ZFAND6: variants seen among roughly 807,000 people sequenced by gnomAD.
ZFAND6 encodes AN1-type zinc finger protein 6.
A neutral mutation model predicts 24.5 loss-of-function variants in ZFAND6; 12 were observed. That is an observed-to-expected ratio of 0.49 (90% CI 0.31 to 0.79). ZFAND6 has a LOEUF of 0.79. Among genes scored for constraint, ZFAND6 ranks in the 30% least tolerant of loss-of-function variants. The pLI, the probability that ZFAND6 is intolerant of heterozygous loss-of-function variation, is 0.04. For synonymous variants in ZFAND6, 92 were observed against 81.5 expected (o/e 1.13, Z -0.69); for missense variants, 207 against 245.9 (o/e 0.84, Z 1.06).
At chr15:80,068,496 G>A (rs551521869) in intron 1 of ZFAND6, among the ~76,000 whole-genome samples, 42 of 151,272 alleles carry the variant, frequency 2.8e-4, no homozygotes, top group Non-Finnish European at 4.1e-4. Context: ...CTCAGCCTCC[G>A]GAGTAGCTGG....
chr15:80,111,901 A>G (rs1333868878), intron 2 of ZFAND6, among the ~76,000 whole-genome samples: 1 of 152,182 alleles, frequency 6.6e-6, no homozygotes, highest in Non-Finnish European at 1.5e-5. Context: ...ATGGGTTTTA[A>G]TTTGGGGAAC....
At chr15:80,062,273 C>T (rs2036376573) in intron 1 of ZFAND6, among the ~76,000 whole-genome samples, 1 of 152,204 alleles carries the variant, frequency 6.6e-6, no homozygotes. Context: ...TGTCAAATGT[C>T]ACACCCTTTA....
intron 1 of ZFAND6, chr15:80,072,663 T>TA (rs2037046467): frequency 6.6e-6 from 1 of 152,188 alleles, no homozygotes; most frequent in Non-Finnish European, 1.5e-5. Context: ...ATTTTTGTTC[T>TA]AATCTTTTTA....
chr15:80,098,533 C>T lies in ZFAND6; in HGVS notation c.-63C>T, dbSNP rs2038861066. ...AATAGGGAAGGCAGAAAGCTAATGT[C>T]TGTCTCAAGATACAGGACAGCTGTT... On this transcript the variant is annotated 5_prime_UTR_variant, in exon 2 of 7. Coordinates refer to ENST00000261749, the MANE Select transcript of ZFAND6 (RefSeq NM_019006.4). 6.6e-6 allele frequency: 1 copy of T among 152,218 alleles called. No homozygotes were observed. The highest frequency in any genetic ancestry group is 2.1e-4 in the South Asian group (1 of 4,832). The allele number at this position is 152,218 out of a possible 1,614,324, so 9.4% of individuals were successfully genotyped here.
intron 2 of ZFAND6, among the ~76,000 whole-genome samples, chr15:80,113,777 A>G (rs2039728096): frequency 7.9e-6 from 1 of 127,218 alleles, no homozygotes; most frequent in Admixed American, 7.9e-5. Context: ...TTAGCTGGGA[A>G]CAGAGTTGTA....
intron 2 of ZFAND6, among the ~76,000 whole-genome samples, chr15:80,119,901 C>T (rs1421835770): frequency 6.6e-6 from 1 of 152,180 alleles, no homozygotes; most frequent in African/African-American, 2.4e-5. Context: ...ATAAATAACA[C>T]ACATTAGCAC....
At chr15:80,111,340 G>T in intron 2 of ZFAND6, 1 of 362,640 alleles carries the variant, frequency 2.8e-6, no homozygotes, top group Non-Finnish European at 5.5e-6. Context: ...TCCCACCCCT[G>T]CAGACACCAG....
At chr15:80,073,152 G>T in intron 1 of ZFAND6, 1 of 170,730 alleles carries the variant, frequency 5.9e-6, no homozygotes, top group East Asian at 1.7e-4. Context: ...ACAATATGTT[G>T]ACATTTTTAA....
intron 1 of ZFAND6, among the ~76,000 whole-genome samples, chr15:80,094,070 G>A (rs1226894486): frequency 2.0e-5 from 3 of 152,130 alleles, no homozygotes; most frequent in Non-Finnish European, 2.9e-5. Context: ...GTTTGTGTGT[G>A]GAAACAAGAT....
chr15:80,108,331 G>A (rs950580673), intron 2 of ZFAND6, among the ~76,000 whole-genome samples: 1 of 152,066 alleles, frequency 6.6e-6, no homozygotes, highest in Non-Finnish European at 1.5e-5. Flanking sequence ...AGGGGTTGGG[G>A]GGAAGTACAA....
At chr15:80,080,265 A>G (rs1596212910) in intron 1 of ZFAND6, among the ~76,000 whole-genome samples, 1 of 151,636 alleles carries the variant, frequency 6.6e-6, no homozygotes, top group African/African-American at 2.4e-5. Context: ...CCAAAGGGCT[A>G]GGGTTACAGG....
chr15:80,086,975 T>C (rs1323147476), intron 1 of ZFAND6, among the ~76,000 whole-genome samples: 1 of 152,246 alleles, frequency 6.6e-6, no homozygotes, highest in Non-Finnish European at 1.5e-5. Flanking sequence ...TTCATCCAGA[T>C]TGTAGTATGT....
intron 1 of ZFAND6, chr15:80,060,223 G>C (rs927429362): frequency 4.6e-5 from 7 of 151,858 alleles, no homozygotes; most frequent in African/African-American, 1.7e-4. Flanking sequence ...GGGCGCGTCA[G>C]TTCCCCGCCT....
At chr15:80,126,241 G>A (rs1325435657) in intron 5 of ZFAND6, among the ~76,000 whole-genome samples, 2 of 152,124 alleles carry the variant, frequency 1.3e-5, no homozygotes, top group Non-Finnish European at 2.9e-5. Flanking sequence ...AATCAGAGGG[G>A]GACAGTCTCT....
chr15:80,130,483 A>G (rs1008464597), intron 5 of ZFAND6: 7 of 152,166 alleles, frequency 4.6e-5, no homozygotes, highest in Non-Finnish European at 1.0e-4. Flanking sequence ...AGGTCATATT[A>G]TATGATTCTG....
At chr15:80,102,998 C>T (rs1364555369) in intron 2 of ZFAND6, among the ~76,000 whole-genome samples, 2 of 152,206 alleles carry the variant, frequency 1.3e-5, no homozygotes, top group African/African-American at 2.4e-5. Context: ...ATTCTGTCTC[C>T]TCCCCACCTC....
intron 6 of ZFAND6, among the ~76,000 whole-genome samples, chr15:80,136,091 A>G (rs62006323): frequency 0.018 from 2,777 of 152,030 alleles, 31 homozygotes; most frequent in Non-Finnish European, 0.03. Flanking sequence ...GCACCACTTC[A>G]TACCAGCCTG....
At chr15:80,076,751 T>C (rs1344786297) in intron 1 of ZFAND6, among the ~76,000 whole-genome samples, 1 of 152,230 alleles carries the variant, frequency 6.6e-6, no homozygotes, top group Non-Finnish European at 1.5e-5. Context: ...CTTTACACAC[T>C]GAGCTGTGTG....
At chr15:80,101,585 CTG>C (rs2039034532) in intron 2 of ZFAND6, among the ~76,000 whole-genome samples, 1 of 152,254 alleles carries the variant, frequency 6.6e-6, no homozygotes, top group South Asian at 2.1e-4. Context: ...TTGGACAACA[CTG>C]TTCTAGATAG....
Sources: allele counts gnomAD v4.1 joint callset (sites outside exome capture counted in the v4.1 genomes callset), GRCh38; gene constraint gnomAD v4.1.1; transcripts MANE v1.5; gene names NCBI Gene and HGNC (gene_info 2026-07-23, HGNC 2026-07-21).